Variants in PFDN1 observed in about 807,000 individuals in gnomAD.
PFDN1 encodes prefoldin 1.
PFDN1 carries 6 observed loss-of-function variants against 17.3 expected under a neutral mutation model. The ratio of observed to expected loss-of-function variants is 0.35; its 90% CI spans 0.19 to 0.69. The LOEUF (loss-of-function observed/expected upper bound fraction) is 0.69. PFDN1 is among the 30% of genes least tolerant of loss of function. The probability of loss-of-function intolerance (pLI) is 0.65; values close to 1 mark genes in which losing one functional copy is unlikely to be tolerated. For synonymous variants in PFDN1, 58 were observed against 50.1 expected, an observed-to-expected ratio of 1.16 and a Z score of -0.67; for missense variants, 113 against 146.2, an observed-to-expected ratio of 0.77 and a Z score of 1.17.
chr5:140,260,598 A>G (rs1354165177), intron 3 of PFDN1, among the ~76,000 whole-genome samples: 16 of 149,646 alleles, frequency 1.1e-4, no homozygotes, highest in Non-Finnish European at 2.4e-4. Context: ...ACAGAAAGCT[A>G]CATACTAGAT....
intron 3 of PFDN1, 25 bp from the exon 4 acceptor site, chr5:140,246,082 GT>G: frequency 1.4e-6 from 2 of 1,407,848 alleles, no homozygotes; most frequent in Middle Eastern, 1.7e-4. Flanking sequence ...ACAGACAAAG[GT>G]TAGGACCAGA....
chr5:140,302,798 C>T (rs192404872), intron 1 of PFDN1, among the ~76,000 whole-genome samples: 1 of 152,252 alleles, frequency 6.6e-6, no homozygotes. Context: ...AAAGACTGGA[C>T]AAGCCCGAGA....
chr5:140,295,199 T>C (rs182096974), intron 2 of PFDN1, among the ~76,000 whole-genome samples: 95 of 152,210 alleles, frequency 6.2e-4, no homozygotes, highest in African/African-American at 2.2e-3. Context: ...AAAAGTAAGT[T>C]TGACATTTAT....
Position 140,285,412 on chromosome 5 carries a change from T to C in PFDN1, c.201-3879A>G, listed in dbSNP as rs184544902. Among the ~76,000 whole-genome samples the C allele has an allele frequency of 1.6e-4, 24 of 152,220 alleles. No individual in the cohort carries two copies. In the East Asian group the frequency reaches 4.6e-3, roughly 29 times the overall value. On this transcript the variant is annotated intron_variant, in intron 2 of 3. Transcript: ENST00000261813. ...GCCTAACTCCACTGGTGAGGAAAGTTACTGAATTTTTACGTCGTAATTTTT... is the reference window on the plus strand; with the variant it reads ...GCCTAACTCCACTGGTGAGGAAAGTCACTGAATTTTTACGTCGTAATTTTT...
In PFDN1 at chr5:140,245,416, G is replaced by A. The variant is rs1315172382; in HGVS notation, c.*558C>T. 1.4e-6 allele frequency: 1 copy of A among 702,290 alleles called. No homozygotes were observed. Among genetic ancestry groups the A allele is most frequent in the East Asian group, 2.7e-5 (1 of 37,272 alleles). The allele number at this position is 702,290 out of a possible 1,614,324, so 43.5% of individuals were successfully genotyped here. A position where few individuals can be genotyped will look rare whatever the true frequency, so the allele number is the denominator to read the frequency against. On this transcript the variant is annotated 3_prime_UTR_variant, in exon 4 of 4. Coordinates refer to ENST00000261813, the MANE Select transcript of PFDN1 (RefSeq NM_002622.5). ...CTATTCTGTTCACTGAGATTCAGCTGTGAACATCTGTTCTTTCTTCCTCTT... is the reference window on the plus strand; with the variant it reads ...CTATTCTGTTCACTGAGATTCAGCTATGAACATCTGTTCTTTCTTCCTCTT...
intron 3 of PFDN1, among the ~76,000 whole-genome samples, chr5:140,263,946 G>A (rs1005186203): frequency 1.1e-4 from 17 of 149,074 alleles, no homozygotes; most frequent in African/African-American, 2.5e-4. Flanking sequence ...GCGTGAACCC[G>A]GGAGGTGGAG....
chr5:140,290,896 T>C (rs1765570920), intron 2 of PFDN1, among the ~76,000 whole-genome samples: 1 of 152,202 alleles, frequency 6.6e-6, no homozygotes, highest in East Asian at 1.9e-4. Context: ...ATTAGTATCA[T>C]TGTCCCCAGA....
At chr5:140,260,860 A>G (rs530506135) in intron 3 of PFDN1, among the ~76,000 whole-genome samples, 1 of 152,008 alleles carries the variant, frequency 6.6e-6, no homozygotes, top group Non-Finnish European at 1.5e-5. Context: ...CTGCACCACA[A>G]GGGGAGAAGA....
At chr5:140,291,347 G>C (rs10051345) in intron 2 of PFDN1, among the ~76,000 whole-genome samples, 70,484 of 151,928 alleles carry the variant, frequency 0.46, 16,666 homozygotes, top group South Asian at 0.71. Context: ...ATTTGCTAAT[G>C]AGCTGAATAT....
chr5:140,280,018 AAAAGAAAAG>A lies in PFDN1; in HGVS notation c.285+1422_285+1430del, dbSNP rs1211011328. Among the ~76,000 whole-genome samples the A allele has an allele frequency of 4.7e-5, 7 of 147,570 alleles. No homozygotes were observed. The South Asian group carries it at 1.3e-3, about 27-fold the overall frequency. ...CTCAAAAAAAAAAAAAAAAAACAAA[AAAAGAAAAG>A]AAAAGAAAAGAAAGAAAGAAAAAGA... On this transcript the variant is annotated intron_variant, in intron 3 of 3. Transcript: ENST00000261813.
At chr5:140,251,842 A>C (rs1037157071) in intron 3 of PFDN1, among the ~76,000 whole-genome samples, 1 of 152,132 alleles carries the variant, frequency 6.6e-6, no homozygotes, top group Non-Finnish European at 1.5e-5. Flanking sequence ...CCTCTTACCA[A>C]GGAAAGAGGC....
At chr5:140,287,712 A>C (rs1405770083) in intron 2 of PFDN1, among the ~76,000 whole-genome samples, 1 of 152,234 alleles carries the variant, frequency 6.6e-6, no homozygotes, top group Non-Finnish European at 1.5e-5. Flanking sequence ...TTTGCATCTA[A>C]ATTATGCAAA....
At chr5:140,260,487 T>TAC (rs1219359454) in intron 3 of PFDN1, among the ~76,000 whole-genome samples, 1 of 151,786 alleles carries the variant, frequency 6.6e-6, no homozygotes, top group Non-Finnish European at 1.5e-5. Context: ...GGTACATCCA[T>TAC]ACAATGGAAT....
At chr5:140,260,531 T>C (rs1292287264) in intron 3 of PFDN1, among the ~76,000 whole-genome samples, 1 of 151,372 alleles carries the variant, frequency 6.6e-6, no homozygotes, top group Non-Finnish European at 1.5e-5. Flanking sequence ...GAAGTACTGA[T>C]ACATGCTATA....
chr5:140,299,007 TC>T (rs751704843), intron 2 of PFDN1, among the ~76,000 whole-genome samples: 1 of 152,142 alleles, frequency 6.6e-6, no homozygotes, highest in Non-Finnish European at 1.5e-5. Context: ...CACCTTGGCC[TC>T]CTGCAGTGCT....
intron 2 of PFDN1, among the ~76,000 whole-genome samples, chr5:140,291,370 G>A (rs549427965): frequency 3.9e-5 from 6 of 152,302 alleles, no homozygotes; most frequent in Admixed American, 3.9e-4. Context: ...GATTGAAAGA[G>A]AGGGGCCAAG....
At chr5:140,282,196 A>T (rs1190004585) in intron 2 of PFDN1, 5 of 10,884 alleles carry the variant, frequency 4.6e-4, no homozygotes, top group South Asian at 6.0e-3. Flanking sequence ...TAAAAACATT[A>T]AAAAAAAAAA....
intron 3 of PFDN1, among the ~76,000 whole-genome samples, chr5:140,269,069 G>C (rs971077947): frequency 6.6e-6 from 1 of 151,800 alleles, no homozygotes; most frequent in Non-Finnish European, 1.5e-5. Context: ...CTGGAGTACA[G>C]TGGTGCTATC....
chr5:140,274,390 T>G (rs942325664), intron 3 of PFDN1, among the ~76,000 whole-genome samples: 2 of 152,186 alleles, frequency 1.3e-5, no homozygotes, highest in African/African-American at 4.8e-5. Context: ...CAACAAATAC[T>G]GTATTAGGTA....
Sources: gnomAD v4.1 joint callset for allele counts (sites outside exome capture counted in the v4.1 genomes callset) on GRCh38, gnomAD v4.1.1 for gene constraint, MANE v1.5 for transcripts, NCBI Gene and HGNC (gene_info 2026-07-23, HGNC 2026-07-21) for gene names.